Variants in LYRM4 observed in about 807,000 individuals in gnomAD.
LYRM4 encodes LYR motif-containing protein 4.
In LYRM4, 9 loss-of-function variants were observed where a neutral mutation model predicts 11.7. The observed-to-expected ratio is 0.77, with a 90% CI of 0.46 to 1.34. The LOEUF is 1.34. Among genes scored for constraint, LYRM4 ranks in the 40% most tolerant of loss-of-function variants. The pLI, the probability that LYRM4 is intolerant of heterozygous loss-of-function variation, is 0.00. For missense variants in LYRM4, 133 were observed against 112.5 expected (o/e 1.18, Z -0.82); for synonymous variants, 42 against 40.4 (o/e 1.04, Z -0.15).
At chr6:5,043,709 C>T in the LYRM4 span, among the ~76,000 whole-genome samples, 1 of 152,158 alleles carries the variant, frequency 6.6e-6, no homozygotes, top group South Asian at 2.1e-4. Flanking sequence ...AGTCCTCCTC[C>T]TCCCAGGGGC....
chr6:5,221,064 T>A (rs1762549469), intron 1 of LYRM4, among the ~76,000 whole-genome samples: 2 of 152,126 alleles, frequency 1.3e-5, no homozygotes, highest in South Asian at 4.1e-4. Context: ...TGACTTCCAG[T>A]GATCCTCTTG....
intron 2 of LYRM4, among the ~76,000 whole-genome samples, chr6:5,120,236 C>CTTT (rs1763370570): frequency 2.0e-5 from 3 of 152,152 alleles, no homozygotes; most frequent in African/African-American, 7.2e-5. Context: ...AGCCCAAAGT[C>CTTT]GTGGGCAGCT....
At chr6:5,071,862 C>G in the LYRM4 span, among the ~76,000 whole-genome samples, 4 of 152,228 alleles carry the variant, frequency 2.6e-5, no homozygotes, top group African/African-American at 9.6e-5. Flanking sequence ...CCAGGCCGGT[C>G]TCGAACTCCT....
At chr6:5,148,835 A>G (rs1029534366) in intron 2 of LYRM4, among the ~76,000 whole-genome samples, 16 of 152,314 alleles carry the variant, frequency 1.1e-4, no homozygotes, top group Admixed American at 5.2e-4. Flanking sequence ...ATATACATAT[A>G]AAAATTACCT....
intron 2 of LYRM4, among the ~76,000 whole-genome samples, chr6:5,183,468 A>T (rs1281201139): frequency 6.6e-6 from 1 of 152,248 alleles, no homozygotes; most frequent in Non-Finnish European, 1.5e-5. Flanking sequence ...CCATAATCAT[A>T]TACAGTATAG....
chr6:5,165,205 C>T (rs1226848216), intron 2 of LYRM4, among the ~76,000 whole-genome samples: 1 of 152,126 alleles, frequency 6.6e-6, no homozygotes, highest in Admixed American at 6.5e-5. Context: ...AATCAGTTTG[C>T]CTTAATTTCC....
At chr6:5,200,849 TAC>T (rs10531091) in intron 2 of LYRM4, among the ~76,000 whole-genome samples, 53,757 of 151,948 alleles carry the variant, frequency 0.35, 10,391 homozygotes, top group East Asian at 0.55. Context: ...GGTTCTGACG[TAC>T]AGTCAGGGCT....
At chr6:5,115,501 G>T (rs1382683981) in intron 2 of LYRM4, among the ~76,000 whole-genome samples, 1 of 152,130 alleles carries the variant, frequency 6.6e-6, no homozygotes, top group East Asian at 1.9e-4. Flanking sequence ...CCTTACCAAA[G>T]CCCCCATTAC....
intron 2 of LYRM4, among the ~76,000 whole-genome samples, chr6:5,119,121 TGAATGTTA>T (rs1763283713): frequency 6.6e-6 from 1 of 152,152 alleles, no homozygotes; most frequent in Non-Finnish European, 1.5e-5. Flanking sequence ...CTGTAAGCCT[TGAATGTTA>T]GATATGGGAT....
At chr6:5,239,239 G>T (rs186396317) in intron 1 of LYRM4, among the ~76,000 whole-genome samples, 1 of 152,242 alleles carries the variant, frequency 6.6e-6, no homozygotes, top group African/African-American at 2.4e-5. Flanking sequence ...TACTGACTAC[G>T]GTAAAGTAAG....
At position 5,137,280 on chromosome 6, in the gene LYRM4, C is replaced by T. The variant is rs150929122; in HGVS notation, c.208-27789G>A. Among the ~76,000 whole-genome samples, 210 of 152,262 alleles carry T rather than the reference C, an allele frequency of 1.4e-3. 1 individual carries two copies. Among genetic ancestry groups the T allele is most frequent in the African/African-American group, 4.9e-3 (203 of 41,542 alleles). On this transcript the variant is annotated intron_variant, in intron 2 of 2. Transcript: ENST00000330636. ...GGTTGTTTCCACTTTTTGGCTATTG[C>T]TAATAAGGTTTCAATAAATATTTGC...
At chr6:5,136,861 T>C (rs2127618917) in intron 2 of LYRM4, 1 of 972,408 alleles carries the variant, frequency 1.0e-6, no homozygotes, top group African/African-American at 1.8e-5. Flanking sequence ...TCATACACCA[T>C]CAAATCTATC....
chr6:5,140,768 T>C (rs916174016), intron 2 of LYRM4, among the ~76,000 whole-genome samples: 4 of 152,256 alleles, frequency 2.6e-5, no homozygotes, highest in Non-Finnish European at 5.9e-5. Context: ...GTAAACTTTA[T>C]GTTACGTATA....
At chr6:5,166,809 T>C (rs551750428) in intron 2 of LYRM4, among the ~76,000 whole-genome samples, 2 of 152,322 alleles carry the variant, frequency 1.3e-5, no homozygotes, top group African/African-American at 2.4e-5. Context: ...TGAATGAAAG[T>C]TGAATTATTC....
chr6:5,191,591 C>T (rs75635062), intron 2 of LYRM4, among the ~76,000 whole-genome samples: 5 of 152,090 alleles, frequency 3.3e-5, no homozygotes, highest in Admixed American at 6.5e-5. Context: ...CTCATTAAAA[C>T]GGGCCCTAGT....
intron 1 of LYRM4, among the ~76,000 whole-genome samples, chr6:5,217,891 C>T (rs778968798): frequency 2.6e-5 from 4 of 152,174 alleles, no homozygotes; most frequent in Non-Finnish European, 5.9e-5. Flanking sequence ...CTGAGCCAGG[C>T]ATGTGAGACA....
chr6:5,243,958 C>A (rs909430256), intron 1 of LYRM4, among the ~76,000 whole-genome samples: 1 of 152,212 alleles, frequency 6.6e-6, no homozygotes, highest in Non-Finnish European at 1.5e-5. Context: ...CTTTTCCTTA[C>A]GTTCTTATTT....
At chr6:5,060,956 TG>T in the LYRM4 span, among the ~76,000 whole-genome samples, 1 of 152,248 alleles carries the variant, frequency 6.6e-6, no homozygotes, top group Non-Finnish European at 1.5e-5. Context: ...CAATTTTGAA[TG>T]CCACCTTTAT....
chr6:5,078,328 C>T, the LYRM4 span, among the ~76,000 whole-genome samples: 1 of 151,786 alleles, frequency 6.6e-6, no homozygotes, highest in Admixed American at 6.6e-5. Flanking sequence ...TGGACTGTGC[C>T]AGCGTGCTTC....
Sources: allele counts gnomAD v4.1 joint callset (sites outside exome capture counted in the v4.1 genomes callset), GRCh38; gene constraint gnomAD v4.1.1; transcripts MANE v1.5; gene names NCBI Gene and HGNC (gene_info 2026-07-23, HGNC 2026-07-21).